Variants in PCDHGA12 observed in about 807,000 individuals in gnomAD.
PCDHGA12 encodes the protein protocadherin gamma subfamily A, 12, also known as protocadherin gamma-A12.
A neutral mutation model predicts 61.1 loss-of-function variants in PCDHGA12; 43 were observed. The observed-to-expected ratio is 0.70, with a 90% CI of 0.55 to 0.91. The LOEUF (loss-of-function observed/expected upper bound fraction) is 0.91, where lower values mean the gene tolerates loss of function less well. Ranked by LOEUF, PCDHGA12 falls within the 40% of genes least tolerant of loss-of-function variation. The probability of loss-of-function intolerance (pLI) is 0.00; values close to 1 mark genes in which losing one functional copy is unlikely to be tolerated. For synonymous variants in PCDHGA12, 520 were observed against 542.9 expected (o/e 0.96, Z 0.59); for missense variants, 1,236 against 1,227.7 (o/e 1.01, Z -0.10).
intron 1 of PCDHGA12, among the ~76,000 whole-genome samples, chr5:141,438,635 TAC>T (rs56854727): frequency 0.14 from 4,591 of 32,686 alleles, 460 homozygotes; most frequent in Middle Eastern, 0.21. Flanking sequence ...TATATATATA[TAC>T]ACACACACAC....
At chr5:141,483,501 G>C (rs1022338958) in intron 1 of PCDHGA12, among the ~76,000 whole-genome samples, 2 of 150,394 alleles carry the variant, frequency 1.3e-5, no homozygotes, top group African/African-American at 4.9e-5. Context: ...ATGAGTCAAG[G>C]CTGATCCCCC....
chr5:141,478,293 T>C (rs2099444312), intron 1 of PCDHGA12: 2 of 1,614,026 alleles, frequency 1.2e-6, no homozygotes. Context: ...TCTAGAGACC[T>C]ATACCGAGCC....
chr5:141,509,497 G>A (rs1167178592), intron 3 of PCDHGA12, among the ~76,000 whole-genome samples: 1 of 152,196 alleles, frequency 6.6e-6, no homozygotes, highest in Non-Finnish European at 1.5e-5. Flanking sequence ...TGGCATGCTG[G>A]ATGTGACGGT....
At chr5:141,510,887 G>C (rs2099883217) in intron 3 of PCDHGA12, 60 bp from the exon 4 acceptor site, 2 of 1,612,600 alleles carry the variant, frequency 1.2e-6, no homozygotes, top group East Asian at 4.5e-5. Context: ...GGGGATATAA[G>C]ACAGTGACTG....
chr5:141,439,115 C>A (rs2098087976), intron 1 of PCDHGA12, among the ~76,000 whole-genome samples: 1 of 151,476 alleles, frequency 6.6e-6, no homozygotes, highest in Non-Finnish European at 1.5e-5. Context: ...ATCACTTGAA[C>A]CCGGGAGACA....
At chr5:141,443,538 G>A (rs768723399) in intron 1 of PCDHGA12, among the ~76,000 whole-genome samples, 2 of 152,118 alleles carry the variant, frequency 1.3e-5, no homozygotes, top group African/African-American at 4.8e-5. Flanking sequence ...TTTAAAGCTT[G>A]GGAAATTGTT....
Position 141,510,866 on chromosome 5 carries a change from C to G in PCDHGA12, c.2573-81C>G. 1.9e-6 allele frequency: 3 copies of G among 1,607,908 alleles called. No homozygotes were observed. The East Asian group carries it at 6.7e-5, about 36-fold the overall frequency. ...AGGCCCAGGGTGCTGTATAGGCATT[C>G]ATTAACTGCTGGGGATATAAGACAG... On this transcript the variant is annotated intron_variant, in intron 3 of 3. Coordinates refer to ENST00000252085, the MANE Select transcript of PCDHGA12 (RefSeq NM_003735.3).
At chr5:141,434,392 C>T (rs906051301) in intron 1 of PCDHGA12, among the ~76,000 whole-genome samples, 4 of 152,210 alleles carry the variant, frequency 2.6e-5, no homozygotes, top group African/African-American at 9.6e-5. Context: ...TGGCCATAAA[C>T]AAAATCTCTG....
rs116716465 is a variant in PCDHGA12, at chr5:141,484,286, C to T, written c.2425-10521C>T. ...GATTCTTTACTGTTTTGAAACATCTCCCTCTCCTGGCTTCCTCCACCCCGC... is the reference window on the plus strand; with the variant it reads ...GATTCTTTACTGTTTTGAAACATCTTCCTCTCCTGGCTTCCTCCACCCCGC... On this transcript the variant is annotated intron_variant, in intron 1 of 3. Coordinates refer to ENST00000252085, the MANE Select transcript of PCDHGA12 (RefSeq NM_003735.3). 8.3e-3 allele frequency among the ~76,000 whole-genome samples: 1,266 copies of T among 152,294 alleles called. 10 individuals carry two copies. The highest frequency in any genetic ancestry group is 0.014 in the Non-Finnish European group (936 of 68,022).
At chr5:141,502,140 G>A (rs534984161) in intron 2 of PCDHGA12, among the ~76,000 whole-genome samples, 1 of 152,268 alleles carries the variant, frequency 6.6e-6, no homozygotes, top group South Asian at 2.1e-4. Context: ...CAGTCGGGCC[G>A]GAAGTAAGGA....
Position 141,489,120 on chromosome 5 carries a change from G to T in PCDHGA12, c.2425-5687G>T. On this transcript the variant is annotated intron_variant, in intron 1 of 3. Coordinates refer to ENST00000252085, the MANE Select transcript of PCDHGA12 (RefSeq NM_003735.3). The surrounding 1 kb of genome is among the most constrained non-coding windows in gnomAD (Gnocchi z 4.5). Reference sequence around the variant, plus strand: ...AACTGCTGCAAGCAGGCAAACCTCCGAGCAGTTTTTAAGAGGCTGGAAGGA... The same window carrying T: ...AACTGCTGCAAGCAGGCAAACCTCCTAGCAGTTTTTAAGAGGCTGGAAGGA... 2.2e-6 allele frequency: 1 copy of T among 445,672 alleles called. No individual in the cohort carries two copies. The highest frequency in any genetic ancestry group is 3.8e-6 in the Non-Finnish European group (1 of 264,754). The allele number at this position is 445,672 out of a possible 1,614,324, so 27.6% of individuals were successfully genotyped here.
intron 1 of PCDHGA12, among the ~76,000 whole-genome samples, chr5:141,460,958 T>C (rs182414946): frequency 8.2e-6 from 1 of 121,926 alleles, no homozygotes; most frequent in Non-Finnish European, 1.6e-5. Context: ...TATGTATATA[T>C]ATATGTGTGT....
chr5:141,509,081 A>T (rs1279221589), intron 3 of PCDHGA12, among the ~76,000 whole-genome samples: 1 of 152,160 alleles, frequency 6.6e-6, no homozygotes, highest in Non-Finnish European at 1.5e-5. Context: ...GATTTGCGAC[A>T]TGAAATGGGG....
rs2099883762 is a variant in PCDHGA12, at chr5:141,511,396, C to T, written c.*223C>T. 9.8e-7 allele frequency: 1 copy of T among 1,016,834 alleles called. No homozygotes were observed. Among genetic ancestry groups the T allele is most frequent in the South Asian group, 1.7e-5 (1 of 58,996 alleles). The allele number at this position is 1,016,834 out of a possible 1,614,324, so 63.0% of individuals were successfully genotyped here. ...AAGCAGTTCCGCTGGGAACCCCCAT[C>T]CAATCAACTGCTGTACCCATGGGGG... On this transcript the variant is annotated 3_prime_UTR_variant, in exon 4 of 4. Coordinates refer to ENST00000252085, the MANE Select transcript of PCDHGA12 (RefSeq NM_003735.3).
intron 1 of PCDHGA12, among the ~76,000 whole-genome samples, chr5:141,433,408 A>ATCT (rs1413347413): frequency 3.1e-3 from 395 of 127,344 alleles, no homozygotes; most frequent in African/African-American, 0.011. Context: ...TCTATCTATT[A>ATCT]CTTTCTTGTA....
intron 1 of PCDHGA12, chr5:141,441,971 G>A: frequency 3.3e-6 from 1 of 298,820 alleles, no homozygotes; most frequent in Non-Finnish European, 6.5e-6. Flanking sequence ...AGGCTCTTCA[G>A]CCTGGAATGC....
chr5:141,463,438 CTTTTTTTT>C (rs71576115), intron 1 of PCDHGA12, among the ~76,000 whole-genome samples: 7 of 103,252 alleles, frequency 6.8e-5, no homozygotes, highest in East Asian at 2.4e-4. Flanking sequence ...TTTCCTTCTC[CTTTTTTTT>C]TTTTTTTTTT....
Position 141,485,119 on chromosome 5 carries a change from C to A in PCDHGA12, c.2425-9688C>A. 3.0e-6 allele frequency: 4 copies of A among 1,328,812 alleles called. No homozygotes were observed. Among genetic ancestry groups the A allele is most frequent in the Non-Finnish European group, 4.3e-6 (4 of 935,940 alleles). The allele number at this position is 1,328,812 out of a possible 1,614,324, so 82.3% of individuals were successfully genotyped here. ...CTCCAGCTGCTGTGGCTGTTTGGGG[C>A]GGGTCGGCTTCATCCGCGTCTCAGG... On this transcript the variant is annotated intron_variant, in intron 1 of 3. Transcript: ENST00000252085. This position sits in a 1 kb window ranked among gnomAD's most constrained non-coding sequence, Gnocchi z 5.7.
Position 141,490,849 on chromosome 5 carries a change from C to A in PCDHGA12, c.2425-3958C>A, listed in dbSNP as rs200640560. The A allele has an allele frequency of 6.2e-7, 1 of 1,613,748 alleles. No individual in the cohort carries two copies. Among genetic ancestry groups the A allele is most frequent in the Non-Finnish European group, 8.5e-7 (1 of 1,179,862 alleles). On this transcript the variant is annotated intron_variant, in intron 1 of 3. Coordinates refer to ENST00000252085, the MANE Select transcript of PCDHGA12 (RefSeq NM_003735.3). This position sits in a 1 kb window ranked among gnomAD's most constrained non-coding sequence, Gnocchi z 5.4. ...GATGCTGCAGATTGTGGTGGGGGTT[C>A]GAGACTCCGGCTCTCCCCCATTGCA...
Sources: gnomAD v4.1 joint callset for allele counts (sites outside exome capture counted in the v4.1 genomes callset) on GRCh38, gnomAD v4.1.1 for gene constraint, Gnocchi (gnomAD v3.1) non-coding constraint, MANE v1.5 for transcripts, NCBI Gene and HGNC (gene_info 2026-07-23, HGNC 2026-07-21) for gene names.